The following PCNT variants were observed in gnomAD, a reference collection of about 807,000 sequenced individuals.
PCNT encodes the protein pericentrin, also known as kendrin.
A neutral mutation model predicts 380.4 loss-of-function variants in PCNT; 319 were observed. The ratio of observed to expected loss-of-function variants is 0.84; its 90% CI spans 0.77 to 0.92. The LOEUF (loss-of-function observed/expected upper bound fraction) is 0.92, where lower values mean the gene tolerates loss of function less well. Among genes scored for constraint, PCNT ranks in the 40% least tolerant of loss-of-function variants. The probability of loss-of-function intolerance (pLI) is 0.00; values close to 1 mark genes in which losing one functional copy is unlikely to be tolerated. For synonymous variants in PCNT, 1,845 were observed against 1,735.2 expected (o/e 1.06, Z -1.57); for missense variants, 4,400 against 4,255.3 (o/e 1.03, Z -0.95).
At chr21:46,370,229 G>T (rs554072658) in intron 15 of PCNT, among the ~76,000 whole-genome samples, 1 of 152,044 alleles carries the variant, frequency 6.6e-6, no homozygotes, top group East Asian at 1.9e-4. Context: ...GCATCCGGGG[G>T]GGGGTGTCTT....
chr21:46,388,870 T>C lies in PCNT; in HGVS notation c.3593T>C (p.Leu1198Pro), dbSNP rs1379792283. ...TGCCTGGATGACGCGGGCGCAGGCC[T>C]GGCCCTGTCGACAGGTGAGTGTGCC... ...GLCLDDAGAG[L>P]ALSTAPALEE... is the part of the protein sequence containing the mutation. Residue 1198 changes from leucine to proline, a missense_variant, in exon 18 of 47, where the codon CTG becomes CCG. Physicochemically the swap from Leu to Pro is moderately conservative, Grantham distance 98. Transcript: ENST00000359568. The surrounding 1 kb of genome is among the most constrained non-coding windows in gnomAD (Gnocchi z 4.2). 5 of 1,604,870 alleles carry C rather than the reference T, an allele frequency of 3.1e-6. No individual in the cohort carries two copies. The highest frequency in any genetic ancestry group is 2.1e-4 in the Middle Eastern group (1 of 4,756).
chr21:46,423,090 T>C (rs9975345), intron 32 of PCNT, among the ~76,000 whole-genome samples: 74,177 of 151,922 alleles, frequency 0.49, 19,067 homozygotes, highest in East Asian at 0.65. Flanking sequence ...CTGTCAGAAC[T>C]GAGTCAGTTA....
intron 3 of PCNT, among the ~76,000 whole-genome samples, chr21:46,343,880 C>G (rs890025156): frequency 7.9e-5 from 12 of 152,068 alleles, no homozygotes; most frequent in Admixed American, 2.0e-4. Flanking sequence ...TATCCATCGC[C>G]TCCAGGTTTT....
chr21:46,414,575 T>A (rs2086938375), intron 29 of PCNT, among the ~76,000 whole-genome samples: 1 of 130,260 alleles, frequency 7.7e-6, no homozygotes, highest in Non-Finnish European at 1.6e-5. Context: ...ACCCTCCTCC[T>A]CCTGGACACG....
intron 29 of PCNT, among the ~76,000 whole-genome samples, 179 bp from the exon 30 acceptor site, chr21:46,415,890 G>T (rs920544177): frequency 3.3e-5 from 5 of 152,164 alleles, no homozygotes; most frequent in African/African-American, 1.2e-4. Flanking sequence ...TTTTAAGCAA[G>T]GAGATGTAAG....
At chr21:46,360,430 T>C (rs2084666950) in intron 13 of PCNT, among the ~76,000 whole-genome samples, 2 of 145,258 alleles carry the variant, frequency 1.4e-5, no homozygotes, top group Non-Finnish European at 3.0e-5. Flanking sequence ...GGTTTCACCG[T>C]GTTAGGATGT....
chr21:46,435,205 G>A (rs1174268507), intron 38 of PCNT, among the ~76,000 whole-genome samples: 1 of 152,056 alleles, frequency 6.6e-6, no homozygotes, highest in Non-Finnish European at 1.5e-5. Flanking sequence ...CTTTTGCTTG[G>A]CAGTTGTTGT....
At chr21:46,341,558 GA>G (rs1461237233) in intron 3 of PCNT, among the ~76,000 whole-genome samples, 1 of 151,870 alleles carries the variant, frequency 6.6e-6, no homozygotes, top group Non-Finnish European at 1.5e-5. Flanking sequence ...GTAGAGATGG[GA>G]TCTCACTATA....
chr21:46,390,863 A>G, intron 20 of PCNT, 31 bp downstream of exon 20: 1 of 1,598,324 alleles, frequency 6.3e-7, no homozygotes, highest in Non-Finnish European at 8.5e-7. Context: ...GGGCACCTGG[A>G]GCACAGGCAC....
chr21:46,430,068 G>A lies in PCNT; in HGVS notation c.7749G>A (p.Lys2583=). Residue 2583 remains lysine (K), a synonymous_variant, in exon 36 of 47, where the codon AAG becomes AAA. Transcript: ENST00000359568. ...QEKCIAGDLQ[K]TLSEEQEKAN... Reference sequence around the variant, plus strand: ...AGTGCATTGCTGGTGACTTGCAGAAGACGCTGAGTGAAGAGCAAGAGAAGG... The same window carrying A: ...AGTGCATTGCTGGTGACTTGCAGAAAACGCTGAGTGAAGAGCAAGAGAAGG... 6.2e-7 allele frequency: 1 copy of A among 1,614,252 alleles called. No individual in the cohort carries two copies. Among genetic ancestry groups the A allele is most frequent in the Non-Finnish European group, 8.5e-7 (1 of 1,180,038 alleles).
intron 34 of PCNT, among the ~76,000 whole-genome samples, 183 bp from the exon 35 acceptor site, chr21:46,428,212 G>T (rs953983058): frequency 1.2e-4 from 19 of 152,334 alleles, no homozygotes; most frequent in African/African-American, 4.3e-4. Flanking sequence ...CCTCACGCAG[G>T]GTAGTGCAGC....
intron 11 of PCNT, among the ~76,000 whole-genome samples, chr21:46,354,609 C>T (rs960796276): frequency 3.9e-5 from 6 of 152,144 alleles, no homozygotes; most frequent in African/African-American, 1.2e-4. Flanking sequence ...AGCCCGGTGT[C>T]GGGCTCCGGG....
chr21:46,422,032 G>A lies in PCNT; in HGVS notation c.7087G>A (p.Ala2363Thr). ...GTCAGGAGGCCCTGAGGCTCAAACTGCTGGTCCTGTGACCCCTGCTTCCAT... is the reference window on the plus strand; with the variant it reads ...GTCAGGAGGCCCTGAGGCTCAAACTACTGGTCCTGTGACCCCTGCTTCCAT... The part of the protein sequence containing the change: ...PGSGGPEAQT[A>T]GPVTPASISG... The change falls in exon 32 of 47, where the codon GCT (alanine) becomes ACT (threonine). Residue 2363 changes from alanine to threonine, a missense_variant. By Grantham distance (58) the Ala-to-Thr change is moderately conservative. Transcript: ENST00000359568. The A allele has an allele frequency of 6.2e-7, 1 of 1,614,062 alleles. No homozygotes were observed. Among genetic ancestry groups the A allele is most frequent in the Non-Finnish European group, 8.5e-7 (1 of 1,180,008 alleles).
chr21:46,355,279 A>G (rs1034902253), intron 11 of PCNT, among the ~76,000 whole-genome samples, 173 bp from the exon 12 acceptor site: 5 of 152,248 alleles, frequency 3.3e-5, no homozygotes, highest in East Asian at 1.9e-4. Context: ...GCGGGAGAGC[A>G]TGTGAGCACG....
At position 46,430,237 on chromosome 21, in the gene PCNT, G is replaced by A. The variant is rs747247084; in HGVS notation, c.7913+5G>A. The A allele has an allele frequency of 2.0e-5, 32 of 1,609,698 alleles. 1 individual carries two copies. Among genetic ancestry groups the A allele is most frequent in the African/African-American group, 6.7e-5 (5 of 74,800 alleles). Reference sequence around the variant, plus strand: ...GCAGGAGGTCCTCCAGCTGAGGTGCGCCTGATCCCCCTTCCTGGGACACTG... The same window carrying A: ...GCAGGAGGTCCTCCAGCTGAGGTGCACCTGATCCCCCTTCCTGGGACACTG... On this transcript the variant is annotated splice_donor_5th_base_variant and intron_variant, in intron 36 of 46. Coordinates refer to ENST00000359568, the MANE Select transcript of PCNT (RefSeq NM_006031.6).
At chr21:46,386,016 T>TGGCC in intron 17 of PCNT, 33 bp downstream of exon 17, 1 of 1,612,512 alleles carries the variant, frequency 6.2e-7, no homozygotes, top group Non-Finnish European at 8.5e-7. Flanking sequence ...GGCTGCCTTG[T>TGGCC]GGCCGCCAGC....
At chr21:46,421,937 G>A (rs2087269537) in intron 31 of PCNT, 33 bp from the exon 32 acceptor site, 1 of 1,611,716 alleles carries the variant, frequency 6.2e-7, no homozygotes, top group East Asian at 2.2e-5. Flanking sequence ...CTGGAGAGCT[G>A]TGGGTGGGAC....
At chr21:46,354,707 T>C (rs1046183015) in intron 11 of PCNT, among the ~76,000 whole-genome samples, 3 of 152,146 alleles carry the variant, frequency 2.0e-5, no homozygotes, top group Non-Finnish European at 2.9e-5. Context: ...ACTCGGGGCA[T>C]CTGGGCTCAG....
intron 35 of PCNT, among the ~76,000 whole-genome samples, chr21:46,429,017 G>A (rs1420145543): frequency 1.3e-5 from 2 of 152,224 alleles, no homozygotes; most frequent in Non-Finnish European, 2.9e-5. Context: ...AGCTGTGTGG[G>A]CAGATGCCAT....
Sources: allele counts gnomAD v4.1 joint callset (sites outside exome capture counted in the v4.1 genomes callset), GRCh38; gene constraint gnomAD v4.1.1; non-coding constraint Gnocchi (gnomAD v3.1); transcripts MANE v1.5; gene names NCBI Gene and HGNC (gene_info 2026-07-23, HGNC 2026-07-21).